Variants in LOXHD1 observed in about 807,000 individuals in gnomAD.
LOXHD1 encodes lipoxygenase homology PLAT domains 1.
A neutral mutation model predicts 248.2 loss-of-function variants in LOXHD1; 205 were observed. That is an observed-to-expected ratio of 0.83 (90% CI 0.74 to 0.93). The LOEUF is 0.93. LOXHD1 is among the 40% of genes least tolerant of loss of function. The pLI is 0.00. For missense variants in LOXHD1, 2,930 were observed against 2,971.6 expected, an observed-to-expected ratio of 0.99 and a Z score of 0.33; for synonymous variants, 1,113 against 1,162.8, an observed-to-expected ratio of 0.96 and a Z score of 0.87.
At chr18:46,580,253 A>G (rs1301754216) in intron 12 of LOXHD1, among the ~76,000 whole-genome samples, 1 of 152,218 alleles carries the variant, frequency 6.6e-6, no homozygotes, top group African/African-American at 2.4e-5. Context: ...GTTTGCCCTC[A>G]ATTCCATCCA....
chr18:46,607,372 C>T (rs2144302370), intron 6 of LOXHD1, among the ~76,000 whole-genome samples: 1 of 148,572 alleles, frequency 6.7e-6, no homozygotes, highest in East Asian at 2.0e-4. Flanking sequence ...CATATATGTA[C>T]ATATATACAT....
At chr18:46,532,036 G>C (rs1404267677) in intron 28 of LOXHD1, among the ~76,000 whole-genome samples, 2 of 152,136 alleles carry the variant, frequency 1.3e-5, no homozygotes, top group Non-Finnish European at 2.9e-5. Flanking sequence ...TGTCTTTTGG[G>C]TGTCTTATCC....
chr18:46,631,075 T>C (rs1022408580), intron 4 of LOXHD1, among the ~76,000 whole-genome samples: 3 of 152,032 alleles, frequency 2.0e-5, no homozygotes, highest in Non-Finnish European at 4.4e-5. Flanking sequence ...ATTACTACCA[T>C]ATGCACACAA....
chr18:46,655,734 C>T (rs2039172555), intron 1 of LOXHD1, among the ~76,000 whole-genome samples: 1 of 152,190 alleles, frequency 6.6e-6, no homozygotes, highest in Non-Finnish European at 1.5e-5. Context: ...CAGGACTGTG[C>T]AGGGGCTGAA....
chr18:46,601,141 G>C lies in LOXHD1; in HGVS notation c.1134+76C>G, dbSNP rs2038330473. 2.0e-6 allele frequency: 3 copies of C among 1,490,900 alleles called. No individual in the cohort carries two copies. The African/African-American group carries it at 4.2e-5, about 21-fold the overall frequency. The allele number at this position is 1,490,900 out of a possible 1,614,324, so 92.4% of individuals were successfully genotyped here. A position where few individuals can be genotyped will look rare whatever the true frequency, so the allele number is the denominator to read the frequency against. ...AACTAGTTCAGAGAAGTAGCATTCA[G>C]GTTAAAGTTTGTACTTGCAAGTTAA... On this transcript the variant is annotated intron_variant, in intron 8 of 40. Coordinates refer to ENST00000642948, the MANE Select transcript of LOXHD1 (RefSeq NM_001384474.1).
At chr18:46,648,291 C>G (rs1321542782) in intron 2 of LOXHD1, among the ~76,000 whole-genome samples, 1 of 151,982 alleles carries the variant, frequency 6.6e-6, no homozygotes, top group Non-Finnish European at 1.5e-5. Flanking sequence ...AAACAAAAAA[C>G]AATCAAACAA....
intron 40 of LOXHD1, 123 bp downstream of exon 40, chr18:46,483,464 C>A (rs2032753870): frequency 2.5e-6 from 3 of 1,203,458 alleles, no homozygotes; most frequent in Non-Finnish European, 3.6e-6. Context: ...GCCTCCTGAA[C>A]AGGGTAATCT....
At position 46,477,653 on chromosome 18, in the gene LOXHD1, C is replaced by T; in HGVS notation, c.6641G>A (p.Gly2214Asp). The T allele has an allele frequency of 1.3e-6, 2 of 1,551,848 alleles. No homozygotes were observed. Among genetic ancestry groups the T allele is most frequent in the South Asian group, 1.2e-5 (1 of 84,070 alleles). Residue 2214 changes from glycine (G) to aspartate (D), a missense_variant, in exon 41 of 41, where the codon GGT becomes GAT. Coordinates refer to ENST00000642948, the MANE Select transcript of LOXHD1 (RefSeq NM_001384474.1). ...DRFFLETLEL[G>D]ELRKVRLEHD... ...CTCCAGGCGCACCTTGCGCAGCTCA[C>T]CCAGCTCCAGCGTCTCCAGGAAGAA...
At chr18:46,515,830 G>T (rs968257271) in intron 34 of LOXHD1, among the ~76,000 whole-genome samples, 3 of 152,086 alleles carry the variant, frequency 2.0e-5, no homozygotes, top group African/African-American at 7.2e-5. Context: ...TACAGAAATT[G>T]GTCCAGAATG....
chr18:46,517,488 T>C lies in LOXHD1; in HGVS notation c.5399+641A>G, dbSNP rs560342480. Among the ~76,000 whole-genome samples, 181 of 152,288 alleles carry C rather than the reference T, an allele frequency of 1.2e-3. 2 individuals are homozygous for C. The highest frequency in any genetic ancestry group is 2.7e-3 in the Admixed American group (42 of 15,300). On this transcript the variant is annotated intron_variant, in intron 34 of 40. Transcript: ENST00000642948. ...AGGGTTGAGGAAAAGACTAAGTGTA[T>C]CAATACATGACTTATGATAGAACAA...
Position 46,529,259 on chromosome 18 carries a change from G to T in LOXHD1, c.4448C>A (p.Thr1483Asn), listed in dbSNP as rs1432356105. The change falls in exon 29 of 41, where the codon ACC becomes AAC. Residue 1483 changes from threonine to asparagine, a missense_variant. Transcript: ENST00000642948. ...GAGTDAKVYI[T>N]IYGDLGDTGE... is the part of the protein sequence containing the mutation. ...AGTGTCCCCGAGGTCTCCATAGATG[G>T]TGATGTACACCTTGGCATCCGTCCC... 1 of 1,551,824 alleles carries T rather than the reference G, an allele frequency of 6.4e-7. No homozygotes were observed.
intron 12 of LOXHD1, among the ~76,000 whole-genome samples, chr18:46,586,771 A>G (rs2144195145): frequency 6.6e-6 from 1 of 152,326 alleles, no homozygotes; most frequent in Non-Finnish European, 1.5e-5. Context: ...TTAAAAATGG[A>G]CATGATTCAT....
Position 46,542,848 on chromosome 18 carries a change from G to A in LOXHD1, c.3627C>T (p.Thr1209=), listed in dbSNP as rs1394700999. 1.3e-6 allele frequency: 2 copies of A among 1,551,546 alleles called. No homozygotes were observed. The highest frequency in any genetic ancestry group is 1.7e-6 in the Non-Finnish European group (2 of 1,146,956). Residue 1209 remains threonine (T), a synonymous_variant, in exon 24 of 41, where the codon ACC becomes ACT. Coordinates refer to ENST00000642948, the MANE Select transcript of LOXHD1 (RefSeq NM_001384474.1). The part of the protein sequence containing the change: ...LFGTQDDTGM[T]LLKSSKTNSD... Reference sequence around the variant, plus strand: ...TGTTTGTCTTGGAGGACTTCAGGAGGGTCATTCCTGTGGATCAGATGACCC... The same window carrying A: ...TGTTTGTCTTGGAGGACTTCAGGAGAGTCATTCCTGTGGATCAGATGACCC...
rs1024252294 is a variant in LOXHD1 at position 46,559,330 on chromosome 18, G to C, written c.3216+118C>G. ...GAGGTACTGCCATGAAACCTGGTGG[G>C]ATGAACAAGTCACACTGCCAAACAC... is the stretch of plus-strand genomic sequence containing the variant. On this transcript the variant is annotated intron_variant, in intron 20 of 40. Coordinates refer to ENST00000642948, the MANE Select transcript of LOXHD1 (RefSeq NM_001384474.1). 7.1e-6 allele frequency: 11 copies of C among 1,547,694 alleles called. No individual in the cohort carries two copies. In the African/African-American group the frequency reaches 1.5e-4, roughly 21 times the overall value.
At chr18:46,589,554 T>C (rs7228147) in intron 12 of LOXHD1, among the ~76,000 whole-genome samples, 6,607 of 152,292 alleles carry the variant, frequency 0.043, 244 homozygotes, top group Non-Finnish European at 0.054. Context: ...CTTGGCATGC[T>C]TGACAAAATG....
At chr18:46,531,407 C>T (rs2036060966) in intron 28 of LOXHD1, among the ~76,000 whole-genome samples, 1 of 152,002 alleles carries the variant, frequency 6.6e-6, no homozygotes, top group African/African-American at 2.4e-5. Context: ...TGACGGTCTC[C>T]CCCCTCATTT....
At chr18:46,611,292 C>T (rs1307447650) in intron 5 of LOXHD1, among the ~76,000 whole-genome samples, 2 of 152,214 alleles carry the variant, frequency 1.3e-5, no homozygotes, top group South Asian at 4.1e-4. Context: ...ATTCAGCCTA[C>T]AGACTTCCTT....
chr18:46,534,910 T>C (rs1408585620), intron 26 of LOXHD1, among the ~76,000 whole-genome samples: 3 of 152,156 alleles, frequency 2.0e-5, no homozygotes, highest in Non-Finnish European at 4.4e-5. Context: ...CACATAGAAA[T>C]GCCAGTCCCT....
At chr18:46,521,575 AC>A (rs2144129487) in intron 32 of LOXHD1, among the ~76,000 whole-genome samples, 2 of 152,290 alleles carry the variant, frequency 1.3e-5, no homozygotes, top group Non-Finnish European at 2.9e-5. Context: ...GAACAAGAAA[AC>A]AGCCAGGTTT....
Sources: gnomAD v4.1 joint callset for allele counts (sites outside exome capture counted in the v4.1 genomes callset) on GRCh38, gnomAD v4.1.1 for gene constraint, MANE v1.5 for transcripts, NCBI Gene and HGNC (gene_info 2026-07-23, HGNC 2026-07-21) for gene names.